The following ACOT7 variants were observed in gnomAD, a reference collection of about 807,000 sequenced individuals.
The protein encoded by ACOT7 is acyl-CoA thioesterase 7, also known as cytosolic acyl coenzyme A thioester hydrolase.
ACOT7 carries 12 observed loss-of-function variants against 40.2 expected under a neutral mutation model. The ratio of observed to expected loss-of-function variants is 0.30; its 90% CI spans 0.19 to 0.48. ACOT7 has a LOEUF of 0.48. Ranked by LOEUF, ACOT7 falls within the 20% of genes least tolerant of loss-of-function variation. The probability of loss-of-function intolerance (pLI) is 0.99; values close to 1 mark genes in which losing one functional copy is unlikely to be tolerated. For missense variants in ACOT7, 395 were observed against 530.8 expected (o/e 0.74, Z 2.51); for synonymous variants, 228 against 219.5 (o/e 1.04, Z -0.34).
intron 1 of ACOT7, among the ~76,000 whole-genome samples, chr1:6,390,833 G>A (rs963197137): frequency 2.0e-5 from 3 of 152,108 alleles, no homozygotes; most frequent in Admixed American, 6.6e-5. Context: ...CAACTCAGGA[G>A]GCTGAGGTGG....
At chr1:6,388,244 G>T (rs1394267891) in intron 1 of ACOT7, among the ~76,000 whole-genome samples, 1 of 151,956 alleles carries the variant, frequency 6.6e-6, no homozygotes, top group African/African-American at 2.4e-5. Flanking sequence ...CCAGCAGCTG[G>T]GACTACAGGC....
rs1209341985 is a variant in ACOT7, at chr1:6,294,443, G to A, written c.829+421C>T. Among the ~76,000 whole-genome samples, 4 of 152,224 alleles carry A rather than the reference G, an allele frequency of 2.6e-5. No homozygotes were observed. The highest frequency in any genetic ancestry group is 9.6e-5 in the African/African-American group (4 of 41,456). On this transcript the variant is annotated intron_variant, in intron 7 of 8. Transcript: ENST00000361521. This position sits in a 1 kb window ranked among gnomAD's most constrained non-coding sequence, Gnocchi z 4.6. ...CTGGGTGGCGTGGGCAGGGCTGGCCGAGGAGGGGCTCCTGCGGGCTTTTCT... is the reference window on the plus strand; with the variant it reads ...CTGGGTGGCGTGGGCAGGGCTGGCCAAGGAGGGGCTCCTGCGGGCTTTTCT...
intron 1 of ACOT7, among the ~76,000 whole-genome samples, chr1:6,375,087 C>T (rs528773058): frequency 5.2e-4 from 77 of 149,358 alleles, no homozygotes; most frequent in African/African-American, 1.8e-3. Flanking sequence ...ACCATCCTGG[C>T]TAACACTGTG....
At chr1:6,387,856 G>A (rs1042394393) in intron 1 of ACOT7, among the ~76,000 whole-genome samples, 1 of 152,192 alleles carries the variant, frequency 6.6e-6, no homozygotes, top group African/African-American at 2.4e-5. Context: ...AGCAGCAAGA[G>A]AGCCAGCACT....
At position 6,385,557 on chromosome 1, in the gene ACOT7, G is replaced by A. The variant is rs777221235; in HGVS notation, c.143+7700C>T. On this transcript the variant is annotated intron_variant, in intron 1 of 8. Coordinates refer to ENST00000361521, the MANE Select transcript of ACOT7 (RefSeq NM_007274.4). ...CCTGGGCCCAACCACCTGGACGGGA[G>A]CGCAGCACCCTCGCCGGGGCCCCAC... The A allele has an allele frequency of 2.0e-5, 33 of 1,612,248 alleles. 1 individual carries two copies. Among genetic ancestry groups the A allele is most frequent in the Non-Finnish European group, 2.4e-5 (28 of 1,179,256 alleles).
chr1:6,338,681 C>T lies in ACOT7; in HGVS notation c.418+752G>A, dbSNP rs1641176922. On this transcript the variant is annotated intron_variant, in intron 3 of 8. Coordinates refer to ENST00000361521, the MANE Select transcript of ACOT7 (RefSeq NM_007274.4). The surrounding 1 kb of genome is among the most constrained non-coding windows in gnomAD (Gnocchi z 4.4). Reference sequence around the variant, plus strand: ...TGTGAGCTGGCACTCCACGGGGCAGCCACTGCTGAGGAACAGGCATGGGGA... The same window carrying T: ...TGTGAGCTGGCACTCCACGGGGCAGTCACTGCTGAGGAACAGGCATGGGGA... Among the ~76,000 whole-genome samples the T allele has an allele frequency of 6.6e-6, 1 of 152,148 alleles. No individual in the cohort carries two copies. The highest frequency in any genetic ancestry group is 2.1e-4 in the South Asian group (1 of 4,828).
At chr1:6,303,180 C>A (rs746993332) in intron 6 of ACOT7, among the ~76,000 whole-genome samples, 4 of 152,164 alleles carry the variant, frequency 2.6e-5, no homozygotes, top group Non-Finnish European at 5.9e-5. Context: ...GCAGGCACAA[C>A]GGGTGCTGCC....
At chr1:6,291,280 G>A (rs1039295547) in intron 7 of ACOT7, among the ~76,000 whole-genome samples, 4 of 152,100 alleles carry the variant, frequency 2.6e-5, no homozygotes, top group African/African-American at 9.7e-5. Context: ...CCTATGACAA[G>A]TGTCCTTATA....
chr1:6,269,661 T>C (rs904717109), intron 8 of ACOT7, among the ~76,000 whole-genome samples: 1 of 152,232 alleles, frequency 6.6e-6, no homozygotes, highest in African/African-American at 2.4e-5. Flanking sequence ...TGCTCTTTAA[T>C]ATTTGCAGCA....
chr1:6,298,481 G>A (rs1250283981), intron 6 of ACOT7, among the ~76,000 whole-genome samples: 2 of 152,154 alleles, frequency 1.3e-5, no homozygotes, highest in South Asian at 2.1e-4. Context: ...ATGAACAACG[G>A]AGGCCCTAAG....
intron 1 of ACOT7, among the ~76,000 whole-genome samples, chr1:6,393,043 G>A (rs1386561868): frequency 6.6e-6 from 1 of 151,698 alleles, no homozygotes; most frequent in African/African-American, 2.4e-5. Context: ...AGGAGGAGCC[G>A]GCTGGAGGCG....
intron 6 of ACOT7, among the ~76,000 whole-genome samples, chr1:6,298,889 G>A (rs1639886570): frequency 6.6e-6 from 1 of 152,212 alleles, no homozygotes; most frequent in Non-Finnish European, 1.5e-5. Flanking sequence ...TCAATATCGA[G>A]GGCTTCCTTG....
At chr1:6,291,926 A>G (rs1330064511) in intron 7 of ACOT7, among the ~76,000 whole-genome samples, 1 of 152,172 alleles carries the variant, frequency 6.6e-6, no homozygotes, top group Middle Eastern at 3.2e-3. Flanking sequence ...GGAGGCAGCG[A>G]GCTGATCTAA....
At chr1:6,390,464 C>T (rs956689539) in intron 1 of ACOT7, among the ~76,000 whole-genome samples, 6 of 151,472 alleles carry the variant, frequency 4.0e-5, no homozygotes, top group Admixed American at 3.3e-4. Flanking sequence ...CCCAGCTACT[C>T]GGGAGGCTGA....
chr1:6,340,630 T>C (rs1387740562), intron 2 of ACOT7, among the ~76,000 whole-genome samples: 2 of 152,230 alleles, frequency 1.3e-5, no homozygotes, highest in African/African-American at 2.4e-5. Flanking sequence ...TTCACAGTTT[T>C]AGTCTAATAT....
At chr1:6,376,174 G>A (rs1391581879) in intron 1 of ACOT7, among the ~76,000 whole-genome samples, 2 of 152,094 alleles carry the variant, frequency 1.3e-5, no homozygotes, top group African/African-American at 4.8e-5. Context: ...AGAATCACTT[G>A]AACCTGGGAG....
At chr1:6,387,380 C>G (rs942736567) in intron 1 of ACOT7, among the ~76,000 whole-genome samples, 1 of 152,124 alleles carries the variant, frequency 6.6e-6, no homozygotes, top group African/African-American at 2.4e-5. Flanking sequence ...AGCAGTGATT[C>G]CTTAAAATCA....
intron 3 of ACOT7, among the ~76,000 whole-genome samples, chr1:6,339,132 T>C (rs1292981160): frequency 6.6e-6 from 1 of 152,038 alleles, no homozygotes; most frequent in African/African-American, 2.4e-5. Flanking sequence ...GCCCCTGCCA[T>C]GGATGAGCTG....
chr1:6,384,619 A>C (rs907025098), intron 1 of ACOT7, among the ~76,000 whole-genome samples: 8 of 151,872 alleles, frequency 5.3e-5, no homozygotes, highest in Non-Finnish European at 1.2e-4. Flanking sequence ...AAAGTCTGGC[A>C]CTACCTTCTG....
Sources: allele counts gnomAD v4.1 joint callset (sites outside exome capture counted in the v4.1 genomes callset), GRCh38; gene constraint gnomAD v4.1.1; non-coding constraint Gnocchi (gnomAD v3.1); transcripts MANE v1.5; gene names NCBI Gene and HGNC (gene_info 2026-07-23, HGNC 2026-07-21).